NTSR2: variants seen among roughly 807,000 people sequenced by gnomAD.
NTSR2 encodes the protein neurotensin receptor type 2.
NTSR2 carries 22 observed loss-of-function variants against 24.1 expected under a neutral mutation model. That is an observed-to-expected ratio of 0.91 (90% CI 0.65 to 1.30). NTSR2 has a LOEUF of 1.30. NTSR2 is among the 50% of genes most tolerant of loss of function. The probability of loss-of-function intolerance (pLI) is 0.00; values close to 1 mark genes in which losing one functional copy is unlikely to be tolerated. For missense variants in NTSR2, 570 were observed against 570.4 expected (o/e 1.00, Z 0.01); for synonymous variants, 291 against 267.0 (o/e 1.09, Z -0.88).
intron 2 of NTSR2, among the ~76,000 whole-genome samples, chr2:11,661,545 C>A (rs182065244): frequency 6.4e-4 from 97 of 152,222 alleles, no homozygotes; most frequent in Non-Finnish European, 1.2e-3. Flanking sequence ...CAGAGACTTA[C>A]AAAACAAGAA....
Position 11,658,549 on chromosome 2 carries a change from G to T in NTSR2, c.1163C>A (p.Pro388Gln). The change falls in exon 4 of 4, where the codon CCG (proline) becomes CAG (glutamine). Residue 388 changes from proline to glutamine, a missense_variant. Physicochemically the swap from Pro to Gln is moderately conservative, Grantham distance 76. Coordinates refer to ENST00000306928, the MANE Select transcript of NTSR2 (RefSeq NM_012344.4). ...GEHHPMKRLP[P>Q]KPQSPTLMDT... ...CATTAGGGTGGGACTCTGGGGCTTCGGGGGTAACCGCTTCATGGGGTGGTG... is the reference window on the plus strand; with the variant it reads ...CATTAGGGTGGGACTCTGGGGCTTCTGGGGTAACCGCTTCATGGGGTGGTG... The T allele has an allele frequency of 6.2e-7, 1 of 1,614,118 alleles. No individual in the cohort carries two copies. Among genetic ancestry groups the T allele is most frequent in the Non-Finnish European group, 8.5e-7 (1 of 1,180,024 alleles).
At chr2:11,663,548 A>G (rs1268864660) in intron 1 of NTSR2, among the ~76,000 whole-genome samples, 1 of 152,276 alleles carries the variant, frequency 6.6e-6, no homozygotes, top group Non-Finnish European at 1.5e-5. Flanking sequence ...AAGGCCATAC[A>G]TTATTAACCG....
chr2:11,669,323 T>G (rs1661270919), intron 1 of NTSR2, among the ~76,000 whole-genome samples, 183 bp downstream of exon 1: 1 of 152,198 alleles, frequency 6.6e-6, no homozygotes, highest in African/African-American at 2.4e-5. Flanking sequence ...CTTCTCTCAA[T>G]GCTTCACTTT....
intron 1 of NTSR2, among the ~76,000 whole-genome samples, chr2:11,666,663 C>T (rs1661208263): frequency 6.6e-6 from 1 of 152,200 alleles, no homozygotes; most frequent in African/African-American, 2.4e-5. Context: ...TGTGCGACTG[C>T]AATCCAGCCT....
intron 3 of NTSR2, 111 bp from the exon 4 acceptor site, chr2:11,658,833 T>C: frequency 8.0e-7 from 1 of 1,249,826 alleles, no homozygotes; most frequent in Non-Finnish European, 1.1e-6. Flanking sequence ...AAGCCTATTT[T>C]CTGCTATCAG....
At position 11,669,889 on chromosome 2, in the gene NTSR2, G is replaced by T. The variant is rs1399899167; in HGVS notation, c.241C>A (p.Leu81Met). 1.3e-6 allele frequency: 2 copies of T among 1,579,086 alleles called. No individual in the cohort carries two copies. Among genetic ancestry groups the T allele is most frequent in the South Asian group, 1.1e-5 (1 of 87,560 alleles). ...ACCGGCACGCCGACCAGCAGCAGCA[G>T]CAGGCCCGCGAGCGCCAGGCTGAGC... ...HVLSLALAGL[L>M]LLLVGVPVEL... The change falls in exon 1 of 4, where the codon CTG (leucine) becomes ATG (methionine). Residue 81 changes from leucine (L) to methionine (M), a missense_variant. Physicochemically the swap from Leu to Met is conservative, Grantham distance 15. Transcript: ENST00000306928.
At position 11,662,088 on chromosome 2, in the gene NTSR2, C is replaced by G. The variant is rs374209433; in HGVS notation, c.777G>C (p.Glu259Asp). ...ATACGATGAAGCTGAGGAGACCCTC[C>G]TCACTCAGCAGCTCCAGGCGGCTGG... The part of the protein sequence containing the change: ...STPSRLELLS[E>D]EGLLSFIVWK... Residue 259 changes from glutamate (E) to aspartate (D), a missense_variant, in exon 2 of 4, where the codon GAG becomes GAC. Transcript: ENST00000306928. 2 of 1,613,574 alleles carry G rather than the reference C, an allele frequency of 1.2e-6. No homozygotes were observed.
chr2:11,658,539 C>G lies in NTSR2; in HGVS notation c.1173G>C (p.Gln391His), dbSNP rs1427398789. ...HPMKRLPPKP[Q>H]SPTLMDTASG... ...AAGCTGTATCCATTAGGGTGGGACT[C>G]TGGGGCTTCGGGGGTAACCGCTTCA... The change falls in exon 4 of 4, where the codon CAG (glutamine) becomes CAC (histidine). Residue 391 changes from glutamine (Q) to histidine (H), a missense_variant. By Grantham distance (24) the Gln-to-His change is conservative. Coordinates refer to ENST00000306928, the MANE Select transcript of NTSR2 (RefSeq NM_012344.4). 3 of 1,614,056 alleles carry G rather than the reference C, an allele frequency of 1.9e-6. No individual in the cohort carries two copies. The highest frequency in any genetic ancestry group is 1.1e-5 in the South Asian group (1 of 91,076).
chr2:11,669,460 GCCCCCCCACCCCCCCTCCCCC>G, intron 1 of NTSR2, 25 bp downstream of exon 1: 18 of 254,620 alleles, frequency 7.1e-5, no homozygotes, highest in Non-Finnish European at 7.6e-5. Context: ...TCCCAGCACC[GCCCCCCCACCCCCCCTCCCCC>G]GACTCCCGCT....
At chr2:11,659,294 G>C (rs975155116) in intron 3 of NTSR2, among the ~76,000 whole-genome samples, 3 of 152,246 alleles carry the variant, frequency 2.0e-5, no homozygotes, top group African/African-American at 4.8e-5. Flanking sequence ...GGGGCCATCT[G>C]TCCAGCCACT....
At chr2:11,669,460 G>GGGGGGCCCCCGCCCCCCCCCCCCCC in intron 1 of NTSR2, 46 bp downstream of exon 1, 1 of 254,726 alleles carries the variant, frequency 3.9e-6, no homozygotes, top group African/African-American at 3.1e-5. Context: ...TCCCAGCACC[G>GGGGGGCCCCCGCCCCCCCCCCCCCC]CCCCCCCACC....
At position 11,658,205 on chromosome 2, in the gene NTSR2, CTA is replaced by C. The variant is rs1660965357; in HGVS notation, c.*272_*273del. 8.9e-6 allele frequency: 3 copies of C among 336,122 alleles called. No homozygotes were observed. The highest frequency in any genetic ancestry group is 1.6e-5 in the Non-Finnish European group (3 of 186,144). The allele number at this position is 336,122 out of a possible 1,614,324, so 20.8% of individuals were successfully genotyped here. ...GTGCCAGCAAAAATTTATTGAGCAT[CTA>C]CTACGCACCAGGTTCTGTGCTAAGC... On this transcript the variant is annotated 3_prime_UTR_variant, in exon 4 of 4. Transcript: ENST00000306928.
Position 11,658,661 on chromosome 2 carries a change from A to C in NTSR2, c.1051T>G (p.Ser351Ala), listed in dbSNP as rs935060481. The change falls in exon 4 of 4, where the codon TCA becomes GCA. Residue 351 changes from serine (S) to alanine (A), a missense_variant. Ser to Ala is a moderately conservative substitution (Grantham distance 99). Coordinates refer to ENST00000306928, the MANE Select transcript of NTSR2 (RefSeq NM_012344.4). The stretch of plus-strand genomic sequence containing the variant: ...TTGTAGAGAAGAGGAGTCACAGCTG[A>C]GCTGACGTAGAAAAGTGTGTTGGTC... ...MVTNTLFYVSSAVTPLLYNAV... is the reference protein window; with the variant it reads ...MVTNTLFYVSAAVTPLLYNAV... 6.2e-7 allele frequency: 1 copy of C among 1,614,032 alleles called. No homozygotes were observed. Among genetic ancestry groups the C allele is most frequent in the African/African-American group, 1.3e-5 (1 of 74,904 alleles).
chr2:11,661,611 G>A (rs1572264331), intron 2 of NTSR2, among the ~76,000 whole-genome samples: 1 of 152,152 alleles, frequency 6.6e-6, no homozygotes. Context: ...ACTGGATTTA[G>A]GTACCCAGCC....
At position 11,658,565 on chromosome 2, in the gene NTSR2, T is replaced by C. The variant is rs1660985462; in HGVS notation, c.1147A>G (p.Met383Val). 5.0e-6 allele frequency: 8 copies of C among 1,614,122 alleles called. No individual in the cohort carries two copies. The highest frequency in any genetic ancestry group is 6.8e-6 in the Non-Finnish European group (8 of 1,180,012). Residue 383 changes from methionine to valine, a missense_variant, in exon 4 of 4, where the codon ATG becomes GTG. Physicochemically the swap from Met to Val is conservative, Grantham distance 21. Transcript: ENST00000306928. ...TGGGGCTTCGGGGGTAACCGCTTCA[T>C]GGGGTGGTGCTCTCCACACAGGGAG... ...VSSLCGEHHP[M>V]KRLPPKPQSP... is the part of the protein sequence containing the mutation.
chr2:11,669,460 G>GGGGGGGGGGGGGGGGGCCCCCCCC, intron 1 of NTSR2, 46 bp downstream of exon 1: 5 of 254,720 alleles, frequency 2.0e-5, no homozygotes, highest in Non-Finnish European at 3.4e-5. Flanking sequence ...TCCCAGCACC[G>GGGGGGGGGGGGGGGGGCCCCCCCC]CCCCCCCACC....
At position 11,662,021 on chromosome 2, in the gene NTSR2, TCA is replaced by T. The variant is rs1399709851; in HGVS notation, c.842_843del (p.Val281GlufsTer3). 1 of 1,612,822 alleles carries T rather than the reference TCA, an allele frequency of 6.2e-7. No individual in the cohort carries two copies. The highest frequency in any genetic ancestry group is 8.5e-7 in the Non-Finnish European group (1 of 1,179,548). On this transcript the variant is annotated frameshift_variant, in exon 2 of 4. Coordinates refer to ENST00000306928, the MANE Select transcript of NTSR2 (RefSeq NM_012344.4). LOFTEE classifies it high-confidence loss of function. ...CGGATCCGGCGCACGTCTTTATGTC[TCA>T]CCAGGCTGACCTGGCCTCCCTGGAT... Reference protein sequence around the residue: ...TFIQGGQVSLVRHKDVRRIRS... With the variant: ...TFIQGGQVSLXRHKDVRRIRS...
In NTSR2 at chr2:11,670,085, C is replaced by G. The variant is rs1307742658; in HGVS notation, c.45G>C (p.Pro15=). Residue 15 remains proline (P), a synonymous_variant, in exon 1 of 4, where the codon CCG becomes CCC. Coordinates refer to ENST00000306928, the MANE Select transcript of NTSR2 (RefSeq NM_012344.4). ...CCAGCCGGGCGTCCAGGCTCAGCCC[C>G]GGGTTGGAGCTGGGCCGCGGGGGCC... ...SPRPPRPSSN[P]GLSLDARLGV... is the part of the protein sequence containing the mutation. 3 of 1,437,478 alleles carry G rather than the reference C, an allele frequency of 2.1e-6. No homozygotes were observed. Among genetic ancestry groups the G allele is most frequent in the South Asian group, 1.5e-5 (1 of 68,508 alleles). The allele number at this position is 1,437,478 out of a possible 1,614,324, so 89.0% of individuals were successfully genotyped here. A position where few individuals can be genotyped will look rare whatever the true frequency, so the allele number is the denominator to read the frequency against.
At position 11,669,899 on chromosome 2, in the gene NTSR2, G is replaced by A. The variant is rs146548287; in HGVS notation, c.231C>T (p.Leu77=). ...CGACCAGCAGCAGCAGCAGGCCCGC[G>A]AGCGCCAGGCTGAGCACGTGGTGGC... The part of the protein sequence containing the change: ...RLRHHVLSLA[L]AGLLLLLVGV... Residue 77 remains leucine (L), a synonymous_variant, in exon 1 of 4, where the codon CTC becomes CTT. Transcript: ENST00000306928. The A allele has an allele frequency of 7.5e-4, 1,186 of 1,572,050 alleles. 16 individuals carry two copies. The East Asian group carries it at 0.021, about 28-fold the overall frequency.
Sources: gnomAD v4.1 joint callset for allele counts (sites outside exome capture counted in the v4.1 genomes callset) on GRCh38, gnomAD v4.1.1 for gene constraint, MANE v1.5 for transcripts, NCBI Gene and HGNC (gene_info 2026-07-23, HGNC 2026-07-21) for gene names.